Variants in NNMT observed in about 807,000 individuals in gnomAD.
NNMT encodes nicotinamide N-methyltransferase.
Under a neutral mutation model 11.7 loss-of-function variants are expected in NNMT, and 10 were observed. That is an observed-to-expected ratio of 0.85 (90% CI 0.53 to 1.45). The LOEUF (loss-of-function observed/expected upper bound fraction) is 1.45, where lower values mean the gene tolerates loss of function less well. Among genes scored for constraint, NNMT ranks in the 40% most tolerant of loss-of-function variants. The probability of loss-of-function intolerance (pLI) is 0.00; values close to 1 mark genes in which losing one functional copy is unlikely to be tolerated. For missense variants in NNMT, 381 were observed against 319.4 expected, an observed-to-expected ratio of 1.19 and a Z score of -1.47; for synonymous variants, 143 against 133.8, an observed-to-expected ratio of 1.07 and a Z score of -0.48.
At chr11:114,268,556 G>A (rs1309103829) in intron 2 of NNMT, among the ~76,000 whole-genome samples, 2 of 152,052 alleles carry the variant, frequency 1.3e-5, no homozygotes, top group Non-Finnish European at 2.9e-5. Flanking sequence ...GGATCACGAG[G>A]TCAGGAGATC....
At chr11:114,265,004 T>C (rs1945109321) in intron 2 of NNMT, among the ~76,000 whole-genome samples, 1 of 152,130 alleles carries the variant, frequency 6.6e-6, no homozygotes, top group Middle Eastern at 3.2e-3. Context: ...ATTGATTAAG[T>C]TACTGGCCAT....
intron 2 of NNMT, among the ~76,000 whole-genome samples, chr11:114,276,993 G>A (rs1015956392): frequency 6.6e-6 from 1 of 152,180 alleles, no homozygotes; most frequent in Non-Finnish European, 1.5e-5. Context: ...AGAGGCTGAG[G>A]CGGGTGGATC....
chr11:114,283,144 T>G (rs1945273767), intron 2 of NNMT, among the ~76,000 whole-genome samples: 1 of 152,132 alleles, frequency 6.6e-6, no homozygotes, highest in South Asian at 2.1e-4. Context: ...TGTGGATACC[T>G]TAGGATTCAC....
chr11:114,304,927 A>C (rs558352223), intron 2 of NNMT, among the ~76,000 whole-genome samples: 35 of 152,362 alleles, frequency 2.3e-4, no homozygotes, highest in African/African-American at 8.2e-4. Flanking sequence ...AGATACAATT[A>C]CTCAAGCTTA....
intron 2 of NNMT, among the ~76,000 whole-genome samples, chr11:114,273,964 A>G (rs530414911): frequency 1.3e-5 from 2 of 152,308 alleles, no homozygotes; most frequent in East Asian, 3.9e-4. Context: ...CTGAACAGGT[A>G]ATTTACAGTG....
At chr11:114,283,655 A>G (rs1189534063) in intron 2 of NNMT, among the ~76,000 whole-genome samples, 1 of 152,182 alleles carries the variant, frequency 6.6e-6, no homozygotes, top group Non-Finnish European at 1.5e-5. Context: ...TTCTTTACAG[A>G]ATCTTATTTC....
intron 2 of NNMT, among the ~76,000 whole-genome samples, chr11:114,308,979 T>C (rs2852447): frequency 0.65 from 98,932 of 152,036 alleles, 34,510 homozygotes; most frequent in East Asian, 0.82. Flanking sequence ...TGGTAAGTTC[T>C]AGTTCTGTGG....
intron 2 of NNMT, among the ~76,000 whole-genome samples, chr11:114,273,070 T>G (rs898286319): frequency 2.0e-5 from 3 of 152,206 alleles, no homozygotes; most frequent in African/African-American, 7.2e-5. Context: ...ATATTGCCTA[T>G]GGACCTGACT....
intron 2 of NNMT, among the ~76,000 whole-genome samples, chr11:114,302,268 G>T (rs1183979276): frequency 6.6e-6 from 1 of 152,078 alleles, no homozygotes; most frequent in African/African-American, 2.4e-5. Flanking sequence ...GGTGAATGCA[G>T]TAATTTTTAG....
intron 2 of NNMT, among the ~76,000 whole-genome samples, chr11:114,288,396 C>T (rs1320219577): frequency 6.6e-6 from 1 of 150,680 alleles, no homozygotes; most frequent in Non-Finnish European, 1.5e-5. Context: ...TCCAGTTTGG[C>T]AAGGATTGTT....
upstream of NNMT, among the ~76,000 whole-genome samples, chr11:114,295,476 G>A (rs372216956): frequency 2.6e-3 from 361 of 141,206 alleles, 4 homozygotes; most frequent in African/African-American, 9.1e-3. Flanking sequence ...CCAGGCTGGA[G>A]TGCAGTGGCG....
rs1256549802 is a variant in NNMT at position 114,288,684 on chromosome 11, G to A, written c.-129-7744G>A. On this transcript the variant is annotated intron_variant, in intron 2 of 4. Coordinates refer to the NNMT transcript ENST00000535401. ...TGGGCAATTTACTTTACATTTTTGT[G>A]CCTTGATTTTCTCATATGCTGAAAT... Among the ~76,000 whole-genome samples the A allele has an allele frequency of 2.0e-5, 3 of 152,046 alleles. 1 individual carries two copies. The highest frequency in any genetic ancestry group is 7.2e-5 in the African/African-American group (3 of 41,400).
At chr11:114,262,029 G>T (rs932019542) in intron 1 of NNMT, among the ~76,000 whole-genome samples, 5 of 152,132 alleles carry the variant, frequency 3.3e-5, no homozygotes, top group Non-Finnish European at 7.4e-5. Context: ...CTAGGGCTGG[G>T]TCACTGAGAC....
chr11:114,268,768 CAA>C (rs34012236), intron 2 of NNMT, among the ~76,000 whole-genome samples: 2 of 69,644 alleles, frequency 2.9e-5, no homozygotes. Context: ...GACTCCGTCT[CAA>C]AAAAAAAAAA....
chr11:114,296,723 T>A lies in NNMT; in HGVS notation c.154+13T>A, dbSNP rs970458083. On this transcript the variant is annotated intron_variant, in intron 1 of 2. Coordinates refer to ENST00000299964, the MANE Select transcript of NNMT (RefSeq NM_006169.3). ...ATATTCTGCCTAGGTAAGTCTGTTG[T>A]CTGCATGTCTCCCCACTAATGTGAG... 1.2e-6 allele frequency: 2 copies of A among 1,613,618 alleles called. No individual in the cohort carries two copies. The highest frequency in any genetic ancestry group is 2.7e-5 in the African/African-American group (2 of 74,934).
intron 2 of NNMT, among the ~76,000 whole-genome samples, chr11:114,273,476 C>T (rs900115508): frequency 5.9e-5 from 9 of 152,288 alleles, no homozygotes; most frequent in Non-Finnish European, 8.8e-5. Context: ...GAGTTCTGTG[C>T]GCAGACCCTA....
intron 2 of NNMT, among the ~76,000 whole-genome samples, chr11:114,302,880 TC>T (rs919732340): frequency 3.3e-5 from 5 of 152,146 alleles, no homozygotes; most frequent in African/African-American, 9.7e-5. Flanking sequence ...CATAGAGCTC[TC>T]TAGCTCTCCT....
At chr11:114,282,434 A>G (rs1030628410) in intron 2 of NNMT, among the ~76,000 whole-genome samples, 2 of 152,348 alleles carry the variant, frequency 1.3e-5, no homozygotes, top group African/African-American at 4.8e-5. Flanking sequence ...AAGTCTAAAG[A>G]CAAAAAGGAG....
chr11:114,300,374 C>A (rs952945592), intron 2 of NNMT, among the ~76,000 whole-genome samples: 3 of 152,002 alleles, frequency 2.0e-5, no homozygotes, highest in Non-Finnish European at 4.4e-5. Context: ...TTCTAGCTAT[C>A]TTATTGTTAT....
Sources: gnomAD v4.1 joint callset for allele counts (sites outside exome capture counted in the v4.1 genomes callset) on GRCh38, gnomAD v4.1.1 for gene constraint, MANE v1.5 for transcripts, NCBI Gene and HGNC (gene_info 2026-07-23, HGNC 2026-07-21) for gene names.